CNTNAP2: variants seen among roughly 807,000 people sequenced by gnomAD.
CNTNAP2 encodes the protein contactin associated protein 2, also known as contactin-associated protein-like 2.
Under a neutral mutation model 155.2 loss-of-function variants are expected in CNTNAP2, and 98 were observed. That is an observed-to-expected ratio of 0.63 (90% CI 0.54 to 0.75). The LOEUF is 0.75. CNTNAP2 is among the 30% of genes least tolerant of loss of function. The probability of loss-of-function intolerance (pLI) is 0.00; values close to 1 mark genes in which losing one functional copy is unlikely to be tolerated. For missense variants in CNTNAP2, 1,727 were observed against 1,688.1 expected (o/e 1.02, Z -0.40); for synonymous variants, 651 against 631.2 (o/e 1.03, Z -0.47).
chr7:147,556,474 G>A (rs907797955), intron 11 of CNTNAP2, among the ~76,000 whole-genome samples: 2 of 152,090 alleles, frequency 1.3e-5, no homozygotes, highest in African/African-American at 4.8e-5. Context: ...TTGATTTGAG[G>A]AGATTATCCT....
At chr7:147,858,367 G>A (rs553832324) in intron 13 of CNTNAP2, among the ~76,000 whole-genome samples, 2 of 152,304 alleles carry the variant, frequency 1.3e-5, no homozygotes, top group Non-Finnish European at 2.9e-5. Flanking sequence ...GATGACAGGC[G>A]TAAGCCACTG....
At chr7:147,395,819 T>C in intron 10 of CNTNAP2, 39 bp downstream of exon 10, 1 of 1,608,370 alleles carries the variant, frequency 6.2e-7, no homozygotes, top group African/African-American at 1.3e-5. Flanking sequence ...TTGTCCAAAC[T>C]TTCCAAACCT....
chr7:146,287,407 C>T (rs1444613088), intron 1 of CNTNAP2, among the ~76,000 whole-genome samples: 2 of 152,154 alleles, frequency 1.3e-5, no homozygotes, highest in Non-Finnish European at 2.9e-5. Context: ...GCAGATAAGC[C>T]TTCTGAACGT....
chr7:146,409,467 A>C (rs2129110544), intron 1 of CNTNAP2, among the ~76,000 whole-genome samples: 1 of 152,344 alleles, frequency 6.6e-6, no homozygotes, highest in Non-Finnish European at 1.5e-5. Context: ...AGGATGAATA[A>C]GTGATTACAT....
chr7:148,362,058 A>C (rs893454783), intron 21 of CNTNAP2, among the ~76,000 whole-genome samples: 5 of 152,150 alleles, frequency 3.3e-5, no homozygotes, highest in Non-Finnish European at 7.3e-5. Flanking sequence ...AATACAAAAA[A>C]ACTAGCTGGG....
At chr7:146,925,917 T>C (rs1411127723) in intron 3 of CNTNAP2, among the ~76,000 whole-genome samples, 1 of 152,106 alleles carries the variant, frequency 6.6e-6, no homozygotes, top group Non-Finnish European at 1.5e-5. Flanking sequence ...GGGCTGTAAG[T>C]TATTGAGATC....
chr7:146,483,326 T>TACATAC (rs796153393), intron 1 of CNTNAP2, among the ~76,000 whole-genome samples: 1 of 79,260 alleles, frequency 1.3e-5, no homozygotes, highest in African/African-American at 7.2e-5. Context: ...TATATATATA[T>TACATAC]ATACATATAT....
chr7:147,955,743 G>A (rs1801008626), intron 14 of CNTNAP2, among the ~76,000 whole-genome samples: 2 of 152,146 alleles, frequency 1.3e-5, no homozygotes, highest in African/African-American at 2.4e-5. Flanking sequence ...GTAGGTCAAG[G>A]TATCCCTGAG....
At chr7:146,963,470 T>C (rs957512732) in intron 3 of CNTNAP2, among the ~76,000 whole-genome samples, 1 of 152,216 alleles carries the variant, frequency 6.6e-6, no homozygotes, top group African/African-American at 2.4e-5. Context: ...ATATTGTGCT[T>C]CAAGTGTCAT....
In CNTNAP2 at chr7:146,872,003, C is replaced by T. The variant is rs902379310; in HGVS notation, c.402+32099C>T. ...TCATTGACATTCTCATAATACACAA[C>T]AGGATGTCTGCATGAAAATTGCCTG... On this transcript the variant is annotated intron_variant, in intron 3 of 23. Transcript: ENST00000361727. Among the ~76,000 whole-genome samples the T allele has an allele frequency of 2.4e-4, 36 of 151,922 alleles. 1 individual carries two copies. Among genetic ancestry groups the T allele is most frequent in the African/African-American group, 8.2e-4 (34 of 41,314 alleles).
At chr7:146,606,625 C>T (rs1799052817) in intron 1 of CNTNAP2, among the ~76,000 whole-genome samples, 2 of 152,006 alleles carry the variant, frequency 1.3e-5, no homozygotes, top group South Asian at 2.1e-4. Context: ...ATTACTTTGA[C>T]CTCCAATATT....
At chr7:148,202,559 C>CA (rs1795384979) in intron 18 of CNTNAP2, among the ~76,000 whole-genome samples, 1 of 152,070 alleles carries the variant, frequency 6.6e-6, no homozygotes, top group East Asian at 1.9e-4. Flanking sequence ...ATTCTTTTGC[C>CA]ACAGACGTGG....
intron 1 of CNTNAP2, among the ~76,000 whole-genome samples, chr7:146,578,682 T>A (rs1563142581): frequency 6.6e-6 from 1 of 152,124 alleles, no homozygotes; most frequent in Non-Finnish European, 1.5e-5. Flanking sequence ...GCTTTATAAA[T>A]GAGAAAATTA....
At chr7:146,161,037 G>T (rs190567017) in intron 1 of CNTNAP2, among the ~76,000 whole-genome samples, 17 of 152,286 alleles carry the variant, frequency 1.1e-4, no homozygotes, top group African/African-American at 3.8e-4. Flanking sequence ...GGGATGCAAG[G>T]CTGGTTCAAC....
At chr7:146,978,227 A>G (rs1424011860) in intron 3 of CNTNAP2, among the ~76,000 whole-genome samples, 2 of 152,186 alleles carry the variant, frequency 1.3e-5, no homozygotes, top group Non-Finnish European at 2.9e-5. Context: ...AAATCAAAAC[A>G]GATCTGTTTT....
intron 11 of CNTNAP2, among the ~76,000 whole-genome samples, chr7:147,544,029 T>A (rs935677983): frequency 6.6e-6 from 1 of 152,176 alleles, no homozygotes; most frequent in African/African-American, 2.4e-5. Flanking sequence ...GGAATATTTA[T>A]TCTAGAGGGA....
At chr7:146,709,746 A>C (rs1001697193) in intron 1 of CNTNAP2, among the ~76,000 whole-genome samples, 7 of 152,146 alleles carry the variant, frequency 4.6e-5, no homozygotes, top group Non-Finnish European at 5.9e-5. Context: ...GGAGGGCCAG[A>C]CTGGAGTTGA....
chr7:147,108,444 A>T, intron 5 of CNTNAP2, 94 bp downstream of exon 5: 1 of 1,077,094 alleles, frequency 9.3e-7, no homozygotes, highest in Non-Finnish European at 1.3e-6. Context: ...GTAAATTATA[A>T]AAAGAGCTCA....
At chr7:148,408,534 C>A (rs890019081) in intron 22 of CNTNAP2, among the ~76,000 whole-genome samples, 1 of 152,142 alleles carries the variant, frequency 6.6e-6, no homozygotes, top group African/African-American at 2.4e-5. Context: ...TTTCATTGTA[C>A]CAAATAAGTA....
Sources: allele counts gnomAD v4.1 joint callset (sites outside exome capture counted in the v4.1 genomes callset), GRCh38; gene constraint gnomAD v4.1.1; transcripts MANE v1.5; gene names NCBI Gene and HGNC (gene_info 2026-07-23, HGNC 2026-07-21).